Variants in TMIGD3 observed in about 807,000 individuals in gnomAD.
The protein encoded by TMIGD3 is transmembrane and immunoglobulin domain containing 3.
In TMIGD3, 21 loss-of-function variants were observed where a neutral mutation model predicts 28.1. The observed-to-expected ratio is 0.75, with a 90% CI of 0.53 to 1.08. The LOEUF (loss-of-function observed/expected upper bound fraction) is 1.08. Ranked by LOEUF, TMIGD3 falls within the 50% of genes least tolerant of loss-of-function variation. The pLI, the probability that TMIGD3 is intolerant of heterozygous loss-of-function variation, is 0.00. For synonymous variants in TMIGD3, 151 were observed against 162.1 expected (o/e 0.93, Z 0.52); for missense variants, 416 against 435.6 (o/e 0.96, Z 0.40).
intron 1 of TMIGD3, among the ~76,000 whole-genome samples, chr1:111,538,732 G>A (rs1656723242): frequency 6.6e-6 from 1 of 152,178 alleles, no homozygotes; most frequent in Non-Finnish European, 1.5e-5. Context: ...TAAATGCACT[G>A]GGGAATAAAA....
chr1:111,499,744 T>G, intron 1 of TMIGD3: 1 of 1,396,344 alleles, frequency 7.2e-7, no homozygotes, highest in East Asian at 2.7e-5. Context: ...AAACACTGAA[T>G]TAGAGAGAAA....
intron 1 of TMIGD3, among the ~76,000 whole-genome samples, chr1:111,543,153 G>A (rs2101026458): frequency 6.6e-6 from 1 of 152,260 alleles, no homozygotes; most frequent in South Asian, 2.1e-4. Flanking sequence ...CAGCGCAGGT[G>A]ACAGCTCTTT....
chr1:111,495,382 T>C (rs979137073), intron 1 of TMIGD3, among the ~76,000 whole-genome samples: 1 of 152,150 alleles, frequency 6.6e-6, no homozygotes, highest in African/African-American at 2.4e-5. Context: ...TCACTGATCA[T>C]TAGAGAAATG....
At chr1:111,490,945 T>A (rs1280886696) in intron 1 of TMIGD3, among the ~76,000 whole-genome samples, 183 bp from the exon 2 acceptor site, 10 of 152,152 alleles carry the variant, frequency 6.6e-5, no homozygotes, top group African/African-American at 2.4e-4. Flanking sequence ...CCAAGAAAAT[T>A]CTGGGCAGTA....
In TMIGD3 at chr1:111,483,763, T is replaced by C; in HGVS notation, c.974-6A>G. ...GGGCTTCAAAGTGTTGCCTACTTTG[T>C]TGGGGAATAGAAAGGGAAAATGGAG... On this transcript the variant is annotated splice_polypyrimidine_tract_variant and splice_region_variant and intron_variant, in intron 5 of 5. Transcript: ENST00000369716. 1.2e-6 allele frequency: 2 copies of C among 1,613,144 alleles called. No homozygotes were observed. Among genetic ancestry groups the C allele is most frequent in the Non-Finnish European group, 1.7e-6 (2 of 1,179,130 alleles).
intron 1 of TMIGD3, among the ~76,000 whole-genome samples, chr1:111,561,341 C>T (rs188921429): frequency 2.0e-5 from 3 of 152,270 alleles, no homozygotes; most frequent in Non-Finnish European, 2.9e-5. Context: ...CCAGGCTGGT[C>T]TCAAACTCCT....
chr1:111,563,208 G>A (rs931607162), intron 1 of TMIGD3, among the ~76,000 whole-genome samples: 1 of 152,114 alleles, frequency 6.6e-6, no homozygotes, highest in Non-Finnish European at 1.5e-5. Context: ...CCAGGAGGTT[G>A]AGGCCACGAT....
intron 1 of TMIGD3, among the ~76,000 whole-genome samples, chr1:111,554,361 G>T (rs1441067512): frequency 6.6e-6 from 1 of 152,154 alleles, no homozygotes; most frequent in Non-Finnish European, 1.5e-5. Flanking sequence ...AACATCTTTT[G>T]TTTGACAAAA....
intron 1 of TMIGD3, among the ~76,000 whole-genome samples, chr1:111,544,434 T>G (rs1007017610): frequency 6.6e-6 from 1 of 152,230 alleles, no homozygotes; most frequent in African/African-American, 2.4e-5. Flanking sequence ...TTTGGACATT[T>G]CTATAGATGA....
At chr1:111,485,350 CATCCTGTGTAT>C (rs1024712190) in intron 5 of TMIGD3, 2 of 164,764 alleles carry the variant, frequency 1.2e-5, no homozygotes, top group Non-Finnish European at 2.6e-5. Flanking sequence ...AACAGGGCAA[CATCCTGTGTAT>C]ATGAAAAAGG....
At chr1:111,554,573 C>T (rs1657403761) in intron 1 of TMIGD3, among the ~76,000 whole-genome samples, 1 of 152,180 alleles carries the variant, frequency 6.6e-6, no homozygotes, top group Non-Finnish European at 1.5e-5. Flanking sequence ...AAACATTTAT[C>T]CAGGATTGCA....
intron 1 of TMIGD3, among the ~76,000 whole-genome samples, chr1:111,561,727 CTCAT>C (rs1657746047): frequency 6.6e-6 from 1 of 152,118 alleles, no homozygotes; most frequent in Non-Finnish European, 1.5e-5. Flanking sequence ...GAGTCTTTCT[CTCAT>C]ATGTGTGTGT....
At chr1:111,504,821 C>A, upstream of TMIGD3, 1 of 981,152 alleles carries the variant, frequency 1.0e-6, no homozygotes, top group Non-Finnish European at 1.2e-6. Context: ...ACTCCCGACC[C>A]CCACCCTGTA....
At chr1:111,520,871 A>G (rs949554447) in intron 1 of TMIGD3, among the ~76,000 whole-genome samples, 4 of 152,246 alleles carry the variant, frequency 2.6e-5, no homozygotes. Flanking sequence ...AATAAATTGC[A>G]TATATTTAAA....
intron 1 of TMIGD3, among the ~76,000 whole-genome samples, chr1:111,514,556 TA>T (rs1332743493): frequency 1.7e-4 from 25 of 144,946 alleles, no homozygotes; most frequent in Admixed American, 2.8e-4. Context: ...GACCTTGACT[TA>T]AAAAAAAAAG....
chr1:111,543,399 C>T (rs1656916725), intron 1 of TMIGD3, among the ~76,000 whole-genome samples: 1 of 152,062 alleles, frequency 6.6e-6, no homozygotes, highest in South Asian at 2.1e-4. Flanking sequence ...CTGGTCTCAC[C>T]AAATACCATC....
At chr1:111,521,939 A>G (rs1199779880) in intron 1 of TMIGD3, among the ~76,000 whole-genome samples, 6 of 152,200 alleles carry the variant, frequency 3.9e-5, no homozygotes, top group Non-Finnish European at 8.8e-5. Flanking sequence ...TGTATATGGT[A>G]TGAGGTAAGG....
intron 1 of TMIGD3, among the ~76,000 whole-genome samples, chr1:111,492,032 G>T (rs558340049): frequency 1.3e-5 from 2 of 152,144 alleles, no homozygotes; most frequent in South Asian, 2.1e-4. Flanking sequence ...CATAAAAGGC[G>T]TGCAACTTCC....
At chr1:111,485,709 C>T (rs1197033291) in intron 5 of TMIGD3, 31 bp downstream of exon 5, 7 of 585,040 alleles carry the variant, frequency 1.2e-5, no homozygotes, top group Non-Finnish European at 1.9e-5. Flanking sequence ...CTAATTCTTG[C>T]CCACCCCCTC....
Sources: allele counts gnomAD v4.1 joint callset (sites outside exome capture counted in the v4.1 genomes callset), GRCh38; gene constraint gnomAD v4.1.1; transcripts MANE v1.5; gene names NCBI Gene and HGNC (gene_info 2026-07-23, HGNC 2026-07-21).